The following SLC7A2 variants were observed in gnomAD, a reference collection of about 807,000 sequenced individuals.
The protein encoded by SLC7A2 is solute carrier family 7 member 2.
A neutral mutation model predicts 58.9 loss-of-function variants in SLC7A2; 48 were observed. That is an observed-to-expected ratio of 0.82 (90% CI 0.65 to 1.04). SLC7A2 has a LOEUF of 1.04. Among genes scored for constraint, SLC7A2 ranks in the 50% least tolerant of loss-of-function variants. SLC7A2 has a pLI of 0.00. For synonymous variants in SLC7A2, 363 were observed against 314.5 expected (o/e 1.15, Z -1.63); for missense variants, 1,029 against 818.8 (o/e 1.26, Z -3.13).
chr8:17,538,643 A>C lies in SLC7A2; in HGVS notation c.-22-4675A>C, dbSNP rs1801774836. The C allele has an allele frequency of 1.0e-5, 6 of 600,290 alleles. No individual in the cohort carries two copies. In the East Asian group the frequency reaches 1.9e-4, roughly 19 times the overall value. The allele number at this position is 600,290 out of a possible 1,614,324, so 37.2% of individuals were successfully genotyped here. A position where few individuals can be genotyped will look rare whatever the true frequency, so the allele number is the denominator to read the frequency against. On this transcript the variant is annotated intron_variant, in intron 2 of 12. Transcript: ENST00000494857. ...TTATTTAACCCACGTTATAATTTGAAAATTTATCTTGGAACTTTAACATTG... is the reference window on the plus strand; with the variant it reads ...TTATTTAACCCACGTTATAATTTGACAATTTATCTTGGAACTTTAACATTG...
At chr8:17,553,876 G>A (rs11986520) in intron 7 of SLC7A2, among the ~76,000 whole-genome samples, 6,894 of 152,242 alleles carry the variant, frequency 0.045, 195 homozygotes, top group Non-Finnish European at 0.057. Flanking sequence ...GTGAAATGGT[G>A]CAGCTAGTAA....
chr8:17,516,014 A>C (rs1337012410), intron 2 of SLC7A2, among the ~76,000 whole-genome samples: 1 of 152,056 alleles, frequency 6.6e-6, no homozygotes, highest in Non-Finnish European at 1.5e-5. Context: ...ACATAGGATC[A>C]TTGCCTTCCT....
chr8:17,528,694 GC>G (rs1424038947), intron 2 of SLC7A2, among the ~76,000 whole-genome samples: 1 of 152,158 alleles, frequency 6.6e-6, no homozygotes, highest in Admixed American at 6.5e-5. Flanking sequence ...CTGAGCCACT[GC>G]CCCCGGCCTG....
At chr8:17,494,327 T>G (rs1304934373), upstream of SLC7A2, among the ~76,000 whole-genome samples, 1 of 152,152 alleles carries the variant, frequency 6.6e-6, no homozygotes, top group African/African-American at 2.4e-5. Context: ...CATAAACCCT[T>G]AAGAGTTCAG....
intron 3 of SLC7A2, 141 bp from the exon 4 acceptor site, chr8:17,544,310 A>T (rs1395665218): frequency 1.0e-5 from 6 of 595,064 alleles, no homozygotes; most frequent in Middle Eastern, 2.6e-4. Context: ...CTACTGTATG[A>T]TTATAAATAT....
At chr8:17,512,408 A>T (rs573524910) in intron 2 of SLC7A2, among the ~76,000 whole-genome samples, 2 of 152,240 alleles carry the variant, frequency 1.3e-5, no homozygotes, top group East Asian at 3.9e-4. Flanking sequence ...TTAGCTGGGC[A>T]TGGTGGCGCG....
At position 17,556,927 on chromosome 8, in the gene SLC7A2, G is replaced by T. The variant is rs1318028035; in HGVS notation, c.1196-1368G>T. ...CCCAGCAAAGAATTTTCAAAGTGAG[G>T]CACGCAGTGTGTTAAAAGAAACACT... On this transcript the variant is annotated intron_variant, in intron 8 of 12. Coordinates refer to ENST00000494857, the MANE Select transcript of SLC7A2 (RefSeq NM_001370338.1). Among the ~76,000 whole-genome samples the T allele has an allele frequency of 2.0e-5, 3 of 152,242 alleles. No individual in the cohort carries two copies. In the East Asian group the frequency reaches 5.8e-4, roughly 29 times the overall value.
chr8:17,552,993 A>G (rs1052553069), intron 7 of SLC7A2, among the ~76,000 whole-genome samples: 5 of 152,198 alleles, frequency 3.3e-5, no homozygotes, highest in African/African-American at 1.2e-4. Context: ...TTTATTTTCT[A>G]GTTAAGACAA....
chr8:17,552,011 C>G (rs770194441), intron 7 of SLC7A2, 25 bp downstream of exon 7: 10 of 1,599,104 alleles, frequency 6.3e-6, no homozygotes, highest in Admixed American at 5.0e-5. Context: ...CTTTGGGGCA[C>G]GGGCTGTTTG....
chr8:17,561,806 G>C, intron 10 of SLC7A2, 138 bp from the exon 11 acceptor site: 1 of 746,136 alleles, frequency 1.3e-6, no homozygotes, highest in Non-Finnish European at 2.2e-6. Context: ...AAGAAGAAAG[G>C]GCAAGGCGAA....
intron 1 of SLC7A2, among the ~76,000 whole-genome samples, chr8:17,500,917 A>G (rs1036645848): frequency 2.0e-5 from 3 of 152,214 alleles, no homozygotes; most frequent in Admixed American, 2.0e-4. Context: ...TGAATCACCT[A>G]TTAATTTTTC....
chr8:17,522,360 T>C (rs1245661883), intron 2 of SLC7A2, among the ~76,000 whole-genome samples: 1 of 152,138 alleles, frequency 6.6e-6, no homozygotes, highest in African/African-American at 2.4e-5. Context: ...ATAGGAATTA[T>C]GGGAGCTACA....
intron 2 of SLC7A2, chr8:17,538,735 C>T (rs956690070): frequency 6.6e-7 from 1 of 1,507,592 alleles, no homozygotes; most frequent in African/African-American, 1.4e-5. Flanking sequence ...TGGTAAAGAT[C>T]CCTACTTATC....
intron 2 of SLC7A2, among the ~76,000 whole-genome samples, chr8:17,504,573 C>T (rs1214662374): frequency 6.6e-6 from 1 of 152,168 alleles, no homozygotes; most frequent in African/African-American, 2.4e-5. Flanking sequence ...TTTCTATATG[C>T]ATTCCTTAGA....
At chr8:17,506,167 A>G (rs956018816) in intron 2 of SLC7A2, among the ~76,000 whole-genome samples, 5 of 152,252 alleles carry the variant, frequency 3.3e-5, no homozygotes, top group Admixed American at 6.5e-5. Flanking sequence ...AACATAGCAC[A>G]GAGCACTTTT....
rs116936563 is a variant in SLC7A2, at chr8:17,520,172, T to C, written c.-23+17870T>C. ...TGAAACATAGGTTATGTGTAACCAA[T>C]TGCAAACATGTTTTAGGAAAGAATT... On this transcript the variant is annotated intron_variant, in intron 2 of 12. Transcript: ENST00000494857. Among the ~76,000 whole-genome samples, 967 of 152,298 alleles carry C rather than the reference T, an allele frequency of 6.3e-3. 29 individuals are homozygous for C. In the South Asian group the frequency reaches 0.089, roughly 14 times the overall value.
chr8:17,548,553 G>A, intron 4 of SLC7A2, 125 bp from the exon 5 acceptor site: 1 of 688,594 alleles, frequency 1.5e-6, no homozygotes, highest in Admixed American at 2.6e-5. Context: ...TAGCAGTAGA[G>A]GTAGATAGAT....
At chr8:17,554,899 A>G (rs373736419) in intron 8 of SLC7A2, 200 bp downstream of exon 8, 21 of 1,606,710 alleles carry the variant, frequency 1.3e-5, no homozygotes, top group Non-Finnish European at 1.8e-5. Flanking sequence ...TGTCTAGAAT[A>G]ATCCTTAAAA....
intron 2 of SLC7A2, among the ~76,000 whole-genome samples, chr8:17,508,763 C>T (rs113984084): frequency 6.6e-6 from 1 of 151,928 alleles, no homozygotes; most frequent in Admixed American, 6.6e-5. Flanking sequence ...ATAAATTGGT[C>T]AAGTGGCTGA....
Sources: gnomAD v4.1 joint callset for allele counts (sites outside exome capture counted in the v4.1 genomes callset) on GRCh38, gnomAD v4.1.1 for gene constraint, MANE v1.5 for transcripts, NCBI Gene and HGNC (gene_info 2026-07-23, HGNC 2026-07-21) for gene names.